The following LRFN2 variants were observed in gnomAD, a reference collection of about 807,000 sequenced individuals.
LRFN2 encodes the protein leucine-rich repeat and fibronectin type-III domain-containing protein 2.
LRFN2 carries 18 observed loss-of-function variants against 37.3 expected under a neutral mutation model. That is an observed-to-expected ratio of 0.48 (90% confidence interval 0.33 to 0.72). LRFN2 has a LOEUF of 0.72. Ranked by LOEUF, LRFN2 falls within the 30% of genes least tolerant of loss-of-function variation. The probability of loss-of-function intolerance (pLI) is 0.02; values close to 1 mark genes in which losing one functional copy is unlikely to be tolerated. For missense variants in LRFN2, 1,006 were observed against 1,060.7 expected (o/e 0.95, Z 0.72); for synonymous variants, 556 against 466.6 (o/e 1.19, Z -2.47).
chr6:40,426,847 T>A (rs1763364369), intron 2 of LRFN2, among the ~76,000 whole-genome samples: 1 of 152,146 alleles, frequency 6.6e-6, no homozygotes, highest in Admixed American at 6.5e-5. Context: ...GACTGTGCCA[T>A]CCCAGATTAA....
Position 40,391,889 on chromosome 6 carries a change from T to G in LRFN2, c.*54A>C. The G allele has an allele frequency of 6.8e-7, 1 of 1,465,066 alleles. No homozygotes were observed. The allele number at this position is 1,465,066 out of a possible 1,614,324, so 90.8% of individuals were successfully genotyped here. On this transcript the variant is annotated 3_prime_UTR_variant, in exon 3 of 3. Coordinates refer to ENST00000338305, the MANE Select transcript of LRFN2 (RefSeq NM_020737.3). ...ACTCCACAAACACTTGCCAGTGAGA[T>G]TCTTTCCCCTTCTCCCACCCTGCGC...
intron 2 of LRFN2, among the ~76,000 whole-genome samples, chr6:40,395,202 C>G (rs1397449325): frequency 6.6e-6 from 1 of 152,152 alleles, no homozygotes; most frequent in Non-Finnish European, 1.5e-5. Context: ...TCCCATTTCA[C>G]AGAGAAGAAA....
chr6:40,484,967 A>G (rs1002650625), intron 1 of LRFN2, among the ~76,000 whole-genome samples: 1 of 152,228 alleles, frequency 6.6e-6, no homozygotes, highest in Non-Finnish European at 1.5e-5. Context: ...TATAGAGTCA[A>G]ATACTAGCCT....
chr6:40,481,169 C>G (rs6458158), intron 1 of LRFN2, among the ~76,000 whole-genome samples: 27,472 of 151,928 alleles, frequency 0.18, 4,529 homozygotes, highest in African/African-American at 0.44. Flanking sequence ...AGTGCAGTGT[C>G]TCACGTCTAT....
chr6:40,524,709 A>C lies in LRFN2; in HGVS notation c.-19+62232T>G, dbSNP rs572686359. ...TTGGGGGGCCAAAGGGATGGTGGTC[A>C]ATATGCCCAGGAGAGAGGGGCCCTC... On this transcript the variant is annotated intron_variant, in intron 1 of 2. Transcript: ENST00000338305. 3.3e-4 allele frequency among the ~76,000 whole-genome samples: 51 copies of C among 152,346 alleles called. 1 individual carries two copies. The highest frequency in any genetic ancestry group is 1.1e-3 in the African/African-American group (47 of 41,588).
At chr6:40,538,495 A>AG (rs2113914302) in intron 1 of LRFN2, among the ~76,000 whole-genome samples, 1 of 152,362 alleles carries the variant, frequency 6.6e-6, no homozygotes, top group Non-Finnish European at 1.5e-5. Flanking sequence ...TAAGAAGAGA[A>AG]ATCCTCGCAT....
At chr6:40,475,540 G>A (rs139533517) in intron 1 of LRFN2, among the ~76,000 whole-genome samples, 361 of 152,238 alleles carry the variant, frequency 2.4e-3, no homozygotes, top group Non-Finnish European at 4.1e-3. Flanking sequence ...CATCAGCACT[G>A]GAAACTGAGA....
At position 40,435,153 on chromosome 6, in the gene LRFN2, CAGAGAGAGAGAGAGAGAG is replaced by C. The variant is rs10583784; in HGVS notation, c.-18-2040_-18-2023del. ...ATTATGTATTTTATATATATATATA[CAGAGAGAGAGAGAGAGAG>C]AGAGAGAGAGACAGATTCTTGCTCT... On this transcript the variant is annotated intron_variant, in intron 1 of 2. Coordinates refer to ENST00000338305, the MANE Select transcript of LRFN2 (RefSeq NM_020737.3). Among the ~76,000 whole-genome samples, 8 of 113,600 alleles carry C rather than the reference CAGAGAGAGAGAGAGAGAG, an allele frequency of 7.0e-5. No individual in the cohort carries two copies. In the East Asian group the frequency reaches 2.0e-3, roughly 28 times the overall value. The allele number at this position is 113,600 out of a possible 152,430, so 74.5% of individuals were successfully genotyped here.
At chr6:40,419,244 T>C (rs1763164818) in intron 2 of LRFN2, among the ~76,000 whole-genome samples, 1 of 152,216 alleles carries the variant, frequency 6.6e-6, no homozygotes, top group Non-Finnish European at 1.5e-5. Context: ...GCGCAGTTCA[T>C]TCCCTGCACC....
At chr6:40,448,412 G>A (rs578139801) in intron 1 of LRFN2, among the ~76,000 whole-genome samples, 2 of 152,154 alleles carry the variant, frequency 1.3e-5, no homozygotes, top group South Asian at 4.2e-4. Context: ...GGCCAAAAGA[G>A]ACTCACTTCT....
At chr6:40,471,687 C>T (rs980648615) in intron 1 of LRFN2, among the ~76,000 whole-genome samples, 27 of 152,194 alleles carry the variant, frequency 1.8e-4, no homozygotes, top group Admixed American at 1.6e-3. Flanking sequence ...CTGCAAGTAC[C>T]TGTTCATTCT....
rs187524417 is a variant in LRFN2, at chr6:40,517,740, C to T, written c.-19+69201G>A. On this transcript the variant is annotated intron_variant, in intron 1 of 2. Transcript: ENST00000338305. ...GGGGGGTTAATTAGCAGCCTCTCCT[C>T]GCACACCCACCCACCAGCAACACAC... Among the ~76,000 whole-genome samples the T allele has an allele frequency of 9.0e-4, 137 of 152,304 alleles. 1 individual carries two copies. Among genetic ancestry groups the T allele is most frequent in the Admixed American group, 4.2e-3 (64 of 15,300 alleles).
At chr6:40,500,358 C>G (rs1047158125) in intron 1 of LRFN2, among the ~76,000 whole-genome samples, 1 of 152,252 alleles carries the variant, frequency 6.6e-6, no homozygotes, top group South Asian at 2.1e-4. Flanking sequence ...TGTGGCATTC[C>G]CTCTGGCTTC....
chr6:40,518,635 A>G (rs1216318860), intron 1 of LRFN2, among the ~76,000 whole-genome samples: 1 of 152,192 alleles, frequency 6.6e-6, no homozygotes, highest in Non-Finnish European at 1.5e-5. Context: ...ATGTCCTTAC[A>G]TTGATGGCTC....
chr6:40,566,388 A>G (rs1767090979), intron 1 of LRFN2, among the ~76,000 whole-genome samples: 1 of 152,246 alleles, frequency 6.6e-6, no homozygotes, highest in African/African-American at 2.4e-5. Context: ...TACTGGGTAT[A>G]TACCCAAAGG....
At chr6:40,434,258 A>G (rs933317742) in intron 1 of LRFN2, among the ~76,000 whole-genome samples, 1 of 151,952 alleles carries the variant, frequency 6.6e-6, no homozygotes, top group Non-Finnish European at 1.5e-5. Flanking sequence ...TATCTAAGAA[A>G]GAAAGGAAGA....
intron 2 of LRFN2, among the ~76,000 whole-genome samples, chr6:40,419,539 G>A (rs1460371505): frequency 6.6e-6 from 1 of 152,222 alleles, no homozygotes; most frequent in Non-Finnish European, 1.5e-5. Context: ...GCAGAGCTAT[G>A]ACTAAGGAAA....
At chr6:40,396,474 C>T (rs889886345) in intron 2 of LRFN2, among the ~76,000 whole-genome samples, 2 of 152,178 alleles carry the variant, frequency 1.3e-5, no homozygotes, top group Admixed American at 1.3e-4. Flanking sequence ...GATGAAGCCA[C>T]ATCCTAATGT....
At chr6:40,571,223 T>C (rs1020857285) in intron 1 of LRFN2, among the ~76,000 whole-genome samples, 3 of 152,254 alleles carry the variant, frequency 2.0e-5, no homozygotes, top group Admixed American at 2.0e-4. Context: ...CTCTGTCACC[T>C]AGCAGCTGAC....
Sources: gnomAD v4.1 joint callset for allele counts (sites outside exome capture counted in the v4.1 genomes callset) on GRCh38, gnomAD v4.1.1 for gene constraint, MANE v1.5 for transcripts, NCBI Gene and HGNC (gene_info 2026-07-23, HGNC 2026-07-21) for gene names.